Variants in DAB1 observed in about 807,000 individuals in gnomAD.
DAB1 encodes the protein disabled homolog 1.
In DAB1, 15 loss-of-function variants were observed where a neutral mutation model predicts 64.6. The observed-to-expected ratio is 0.23, with a 90% CI of 0.16 to 0.36. The LOEUF is 0.36. Among genes scored for constraint, DAB1 ranks in the 10% least tolerant of loss-of-function variants. The pLI, the probability that DAB1 is intolerant of heterozygous loss-of-function variation, is 1.00. For synonymous variants in DAB1, 235 were observed against 251.9 expected, an observed-to-expected ratio of 0.93 and a Z score of 0.64; for missense variants, 596 against 706.7, an observed-to-expected ratio of 0.84 and a Z score of 1.78.
chr1:57,472,745 C>G (rs1687186134), intron 7 of DAB1, among the ~76,000 whole-genome samples: 1 of 152,246 alleles, frequency 6.6e-6, no homozygotes, highest in African/African-American at 2.4e-5. Flanking sequence ...CTTGCCGATG[C>G]CCCCAGCCAA....
intron 4 of DAB1, among the ~76,000 whole-genome samples, chr1:58,310,797 T>C (rs1281263256): frequency 6.6e-6 from 1 of 152,034 alleles, no homozygotes; most frequent in East Asian, 1.9e-4. Flanking sequence ...CATATACCAA[T>C]ATTCACTCGT....
chr1:57,934,063 T>TTGTG (rs55848780), intron 5 of DAB1, among the ~76,000 whole-genome samples: 3,333 of 128,052 alleles, frequency 0.026, 90 homozygotes, highest in East Asian at 0.063. Flanking sequence ...GCCCAGCTAA[T>TTGTG]TGTGTGTGTG....
In DAB1 at chr1:57,067,028, G is replaced by T. The variant is rs142008083; in HGVS notation, c.663+2332C>A. 4.8e-3 allele frequency among the ~76,000 whole-genome samples: 732 copies of T among 152,024 alleles called. 3 individuals are homozygous for T. The highest frequency in any genetic ancestry group is 8.3e-3 in the Non-Finnish European group (565 of 67,996). On this transcript the variant is annotated intron_variant, in intron 8 of 14. Transcript: ENST00000371236. ...TACAAGCCCTTAAAAAAAAAATGAG[G>T]CGCCTAATAGCAGCCCCTTAAAAGC...
chr1:58,488,720 G>GCCTCC (rs1645620307), intron 3 of DAB1, among the ~76,000 whole-genome samples: 1 of 152,156 alleles, frequency 6.6e-6, no homozygotes, highest in African/African-American at 2.4e-5. Flanking sequence ...AAAGTGCTGG[G>GCCTCC]ATTACAGGCG....
chr1:57,783,113 T>TC (rs1650187350), intron 6 of DAB1, among the ~76,000 whole-genome samples: 1 of 143,790 alleles, frequency 7.0e-6, no homozygotes, highest in Non-Finnish European at 1.5e-5. Context: ...TTTCTTTTTT[T>TC]TTTTTTTTTT....
chr1:58,473,541 CAAAAAAAT>C (rs1259223260), intron 3 of DAB1, among the ~76,000 whole-genome samples: 2 of 115,242 alleles, frequency 1.7e-5, no homozygotes, highest in East Asian at 2.2e-4. Flanking sequence ...GACTCCGTCT[CAAAAAAAT>C]AAATAAATAA....
At chr1:57,621,030 A>T (rs1045451550) in intron 7 of DAB1, among the ~76,000 whole-genome samples, 44 of 149,654 alleles carry the variant, frequency 2.9e-4, no homozygotes, top group African/African-American at 1.0e-3. Context: ...TGTGTGTGTG[A>T]GAGAGAGAGA....
At chr1:57,275,579 C>A (rs755067266) in intron 2 of DAB1, among the ~76,000 whole-genome samples, 1 of 152,212 alleles carries the variant, frequency 6.6e-6, no homozygotes, top group Non-Finnish European at 1.5e-5. Context: ...TTTTACATTT[C>A]ATCGCATTAA....
intron 3 of DAB1, among the ~76,000 whole-genome samples, chr1:58,370,570 A>C (rs1378885148): frequency 1.3e-5 from 2 of 152,152 alleles, no homozygotes; most frequent in Non-Finnish European, 2.9e-5. Context: ...TTTATTTTCT[A>C]AGAGAATCTA....
chr1:58,301,571 C>A (rs904789951), intron 4 of DAB1, among the ~76,000 whole-genome samples: 1 of 152,034 alleles, frequency 6.6e-6, no homozygotes, highest in Non-Finnish European at 1.5e-5. Context: ...TCCAGTGCGG[C>A]CCAGGGAAGC....
chr1:57,886,217 G>A (rs76200074), upstream of DAB1, among the ~76,000 whole-genome samples: 1,494 of 150,100 alleles, frequency 1.0e-2, 26 homozygotes, highest in African/African-American at 0.035. Flanking sequence ...CCAGTGCAGA[G>A]GCATAATCTC....
chr1:57,134,542 G>C (rs12133084), intron 4 of DAB1, among the ~76,000 whole-genome samples: 4,054 of 119,892 alleles, frequency 0.034, 320 homozygotes, highest in Admixed American at 0.22. Flanking sequence ...GAAGGAGGGA[G>C]AGGAAGAGAA....
intron 3 of DAB1, among the ~76,000 whole-genome samples, chr1:58,487,170 A>C (rs1259670000): frequency 1.3e-5 from 2 of 152,232 alleles, no homozygotes; most frequent in East Asian, 3.8e-4. Flanking sequence ...TTTACTAGGA[A>C]AGGAGCAGTG....
chr1:57,305,614 AGGAACT>A (rs1674069428), intron 1 of DAB1, among the ~76,000 whole-genome samples: 1 of 152,206 alleles, frequency 6.6e-6, no homozygotes, highest in Non-Finnish European at 1.5e-5. Context: ...AAAATTCCCA[AGGAACT>A]GCATGCTTCT....
intron 1 of DAB1, among the ~76,000 whole-genome samples, chr1:57,347,954 A>G (rs1485099944): frequency 6.6e-6 from 1 of 152,160 alleles, no homozygotes; most frequent in Non-Finnish European, 1.5e-5. Context: ...AACTGTAAGA[A>G]AATTCATTTA....
intron 2 of DAB1, among the ~76,000 whole-genome samples, chr1:58,518,380 A>G (rs564846574): frequency 8.1e-5 from 12 of 148,228 alleles, no homozygotes; most frequent in Non-Finnish European, 1.0e-4. Context: ...GAAGGGAAGA[A>G]AAGAAAAGAA....
chr1:57,101,991 T>C (rs1654722367), intron 4 of DAB1, among the ~76,000 whole-genome samples: 1 of 152,214 alleles, frequency 6.6e-6, no homozygotes, highest in Non-Finnish European at 1.5e-5. Flanking sequence ...TGTCTGGCTC[T>C]AGAGCCTGTG....
chr1:58,510,983 A>T (rs1646068061), intron 2 of DAB1, among the ~76,000 whole-genome samples: 1 of 152,198 alleles, frequency 6.6e-6, no homozygotes, highest in Non-Finnish European at 1.5e-5. Flanking sequence ...AGACAACTCA[A>T]ATAAATGGAA....
intron 5 of DAB1, chr1:58,047,951 A>G (rs1647354945): frequency 4.1e-6 from 2 of 484,076 alleles, no homozygotes. Flanking sequence ...AATGCTTTAC[A>G]CTTTCCACAG....
Sources: gnomAD v4.1 joint callset for allele counts (sites outside exome capture counted in the v4.1 genomes callset) on GRCh38, gnomAD v4.1.1 for gene constraint, MANE v1.5 for transcripts, NCBI Gene and HGNC (gene_info 2026-07-23, HGNC 2026-07-21) for gene names.